The following ADGRV1 variants were observed in gnomAD, a reference collection of about 807,000 sequenced individuals.
The protein encoded by ADGRV1 is adhesion G protein-coupled receptor V1.
Under a neutral mutation model 596.2 loss-of-function variants are expected in ADGRV1, and 359 were observed. That is an observed-to-expected ratio of 0.60 (90% confidence interval 0.55 to 0.66). The LOEUF is 0.66. ADGRV1 is among the 30% of genes least tolerant of loss of function. The pLI is 0.00. For synonymous variants in ADGRV1, 2,681 were observed against 2,679.2 expected, an observed-to-expected ratio of 1.00 and a Z score of -0.02; for missense variants, 7,274 against 7,575.6, an observed-to-expected ratio of 0.96 and a Z score of 1.48.
At chr5:90,573,544 C>T (rs368963283) in intron 1 of ADGRV1, among the ~76,000 whole-genome samples, 35 of 152,166 alleles carry the variant, frequency 2.3e-4, no homozygotes, top group African/African-American at 7.0e-4. Flanking sequence ...CTACACATAC[C>T]TAAACCTAGA....
chr5:91,043,779 G>A (rs1406061801), intron 85 of ADGRV1, among the ~76,000 whole-genome samples: 2 of 151,562 alleles, frequency 1.3e-5, no homozygotes, highest in Non-Finnish European at 2.9e-5. Context: ...TTCTATCTAG[G>A]ATGTTCTTTC....
chr5:90,886,814 A>T (rs148508077), intron 83 of ADGRV1, among the ~76,000 whole-genome samples: 1 of 152,206 alleles, frequency 6.6e-6, no homozygotes, highest in Non-Finnish European at 1.5e-5. Flanking sequence ...TTTCCTTGCT[A>T]TAAGTGTATT....
chr5:90,581,039 C>T (rs1199157642), intron 1 of ADGRV1, among the ~76,000 whole-genome samples: 2 of 152,222 alleles, frequency 1.3e-5, no homozygotes, highest in Admixed American at 6.5e-5. Context: ...TCCCCTTGAT[C>T]GAATTGGCTA....
chr5:90,719,407 C>T (rs560079168), intron 43 of ADGRV1, among the ~76,000 whole-genome samples: 1 of 152,310 alleles, frequency 6.6e-6, no homozygotes, highest in South Asian at 2.1e-4. Context: ...CCCCCTGTCT[C>T]TTCCCCTTTC....
rs1788604509 is a variant in ADGRV1, at chr5:91,073,835, C to T, written c.18310+1231C>T. Among the ~76,000 whole-genome samples the T allele has an allele frequency of 2.0e-5, 3 of 152,264 alleles. No individual in the cohort carries two copies. In the South Asian group the frequency reaches 6.2e-4, roughly 32 times the overall value. ...TCCTCAGCCTCTTGAGTAGCTGGGA[C>T]TACATTCATGTGCCACCATGCCTGG... is the stretch of plus-strand genomic sequence containing the variant. On this transcript the variant is annotated intron_variant, in intron 86 of 89. Transcript: ENST00000405460.
At chr5:91,111,297 T>TG (rs1792349472) in intron 87 of ADGRV1, among the ~76,000 whole-genome samples, 1 of 152,226 alleles carries the variant, frequency 6.6e-6, no homozygotes, top group Non-Finnish European at 1.5e-5. Flanking sequence ...TGTCTCTCGT[T>TG]GCTATATGTT....
intron 83 of ADGRV1, among the ~76,000 whole-genome samples, chr5:90,874,289 G>A (rs567842726): frequency 2.6e-5 from 4 of 152,220 alleles, no homozygotes; most frequent in Admixed American, 1.3e-4. Context: ...TTGCTCATCC[G>A]TATTTCCATT....
intron 83 of ADGRV1, 130 bp downstream of exon 83, chr5:90,863,987 G>A (rs912444924): frequency 1.6e-6 from 1 of 613,992 alleles, no homozygotes; most frequent in Admixed American, 2.8e-5. Context: ...GTTTTGCAGT[G>A]GAAGAGAATG....
chr5:90,808,028 A>G (rs939605678), intron 73 of ADGRV1, among the ~76,000 whole-genome samples: 1 of 152,202 alleles, frequency 6.6e-6, no homozygotes, highest in African/African-American at 2.4e-5. Flanking sequence ...AAAGACAGCT[A>G]TCTTCTGAGA....
chr5:90,587,537 C>T (rs1349431280), intron 1 of ADGRV1, among the ~76,000 whole-genome samples: 1 of 147,864 alleles, frequency 6.8e-6, no homozygotes, highest in Non-Finnish European at 1.5e-5. Flanking sequence ...ATTTTATTGT[C>T]ATTTCTCTTT....
At chr5:90,594,383 T>G (rs60598515) in intron 1 of ADGRV1, among the ~76,000 whole-genome samples, 4,324 of 152,170 alleles carry the variant, frequency 0.028, 168 homozygotes, top group African/African-American at 0.088. Flanking sequence ...GTTTGCTGCT[T>G]CTTCTGCCAT....
chr5:91,065,399 C>A (rs1179191877), intron 85 of ADGRV1, among the ~76,000 whole-genome samples: 2 of 152,198 alleles, frequency 1.3e-5, no homozygotes, highest in African/African-American at 4.8e-5. Flanking sequence ...CTTTTCATTA[C>A]CTATGTAACC....
rs147757863 is a variant in ADGRV1, at chr5:90,999,736, C to T, written c.18152+14214C>T. Reference sequence around the variant, plus strand: ...TTCCAGTTGGAAAACTGAAAAAGCTCGTACAACCACAGATGGTCAAGTGTG... The same window carrying T: ...TTCCAGTTGGAAAACTGAAAAAGCTTGTACAACCACAGATGGTCAAGTGTG... On this transcript the variant is annotated intron_variant, in intron 85 of 89. Transcript: ENST00000405460. 7.6e-4 allele frequency among the ~76,000 whole-genome samples: 116 copies of T among 152,062 alleles called. No individual in the cohort carries two copies. In the East Asian group the frequency reaches 0.018, roughly 23 times the overall value.
In ADGRV1 at chr5:90,757,042, G is replaced by A; in HGVS notation, c.11821G>A (p.Val3941Ile). 3.7e-6 allele frequency: 6 copies of A among 1,613,880 alleles called. No homozygotes were observed. The highest frequency in any genetic ancestry group is 4.2e-6 in the Non-Finnish European group (5 of 1,179,800). ...PPPLNVLQVP[V>I]VRLAGSFGAV... Reference sequence around the variant, plus strand: ...ACCCTTGAACGTTCTTCAAGTTCCTGTAGTCCGGCTGGCTGGAAGCTTTGG... The same window carrying A: ...ACCCTTGAACGTTCTTCAAGTTCCTATAGTCCGGCTGGCTGGAAGCTTTGG... The change falls in exon 57 of 90, where the codon GTA (valine) becomes ATA (isoleucine). Residue 3941 changes from valine to isoleucine, a missense_variant. Transcript: ENST00000405460.
At chr5:90,691,244 G>A in intron 31 of ADGRV1, 1 of 669,686 alleles carries the variant, frequency 1.5e-6, no homozygotes, top group Non-Finnish European at 2.6e-6. Context: ...ACATATGCCA[G>A]TTTACTACTA....
intron 21 of ADGRV1, among the ~76,000 whole-genome samples, chr5:90,665,913 G>A (rs1427898226): frequency 6.7e-6 from 1 of 149,062 alleles, no homozygotes; most frequent in Non-Finnish European, 1.5e-5. Flanking sequence ...TTTCCATGTA[G>A]TTGAGCGGTT....
At chr5:91,075,431 A>G (rs1458787062) in intron 86 of ADGRV1, among the ~76,000 whole-genome samples, 2 of 152,196 alleles carry the variant, frequency 1.3e-5, no homozygotes, top group Non-Finnish European at 2.9e-5. Context: ...AATATGCTTC[A>G]TTACTGATAT....
At position 90,763,389 on chromosome 5, in the gene ADGRV1, A is replaced by G. The variant is rs2150015353; in HGVS notation, c.12205A>G (p.Thr4069Ala). The change falls in exon 59 of 90, where the codon ACC (threonine) becomes GCC (alanine). Residue 4069 changes from threonine to alanine, a missense_variant. This residue lies in a region of ADGRV1 where 3,643 missense variants were observed against 3,809.2 expected (regional missense o/e 0.96). Transcript: ENST00000405460. ...TGTCCGGTCCCCAGGAGGAAAAGGA[A>G]CCGTCCGACTTGAGTGGACCATAGA... ...TVVRSPGGKGTVRLEWTIDEK... is the reference protein window; with the variant it reads ...TVVRSPGGKGAVRLEWTIDEK... The G allele has an allele frequency of 6.2e-7, 1 of 1,613,612 alleles. No homozygotes were observed. Among genetic ancestry groups the G allele is most frequent in the East Asian group, 2.2e-5 (1 of 44,864 alleles).
chr5:90,851,541 G>A (rs914365641), intron 79 of ADGRV1, among the ~76,000 whole-genome samples: 13 of 152,066 alleles, frequency 8.5e-5, no homozygotes, highest in East Asian at 3.9e-4. Flanking sequence ...GGAGAATGAC[G>A]GAATCTAGAA....
Sources: gnomAD v4.1 joint callset for allele counts (sites outside exome capture counted in the v4.1 genomes callset) on GRCh38, gnomAD v4.1.1 for gene constraint, gnomAD v4.1.1 regional missense constraint, MANE v1.5 for transcripts, NCBI Gene and HGNC (gene_info 2026-07-23, HGNC 2026-07-21) for gene names.